Variants in PSPC1 observed in about 807,000 individuals in gnomAD.
PSPC1 encodes paraspeckle component 1.
In PSPC1, 14 loss-of-function variants were observed where a neutral mutation model predicts 51.6. The ratio of observed to expected loss-of-function variants is 0.27; its 90% CI spans 0.18 to 0.42. The LOEUF is 0.42. Among genes scored for constraint, PSPC1 ranks in the 10% least tolerant of loss-of-function variants. The pLI, the probability that PSPC1 is intolerant of heterozygous loss-of-function variation, is 1.00. For missense variants in PSPC1, 406 were observed against 701.1 expected (o/e 0.58, Z 4.75); for synonymous variants, 193 against 231.9 (o/e 0.83, Z 1.53).
chr13:19,752,671 C>T (rs1886681252), intron 3 of PSPC1, among the ~76,000 whole-genome samples: 1 of 151,908 alleles, frequency 6.6e-6, no homozygotes, highest in African/African-American at 2.4e-5. Context: ...CTGCAACCTT[C>T]GCCTCCCGGG....
At chr13:19,732,411 A>T (rs1884227078) in intron 5 of PSPC1, among the ~76,000 whole-genome samples, 1 of 152,212 alleles carries the variant, frequency 6.6e-6, no homozygotes, top group Non-Finnish European at 1.5e-5. Flanking sequence ...ATATACTCAT[A>T]ATATACCAAT....
At chr13:19,739,469 C>T (rs548713187) in intron 5 of PSPC1, among the ~76,000 whole-genome samples, 8 of 152,038 alleles carry the variant, frequency 5.3e-5, no homozygotes, top group African/African-American at 1.7e-4. Flanking sequence ...AAGATCTGGC[C>T]GGGCGTGGTG....
intron 7 of PSPC1, chr13:19,675,360 C>T (rs536546392): frequency 6.6e-6 from 1 of 152,164 alleles, no homozygotes; most frequent in African/African-American, 2.4e-5. Context: ...CTTCCCAACA[C>T]GAACCAGCAA....
At chr13:19,771,375 C>G (rs976386233) in intron 2 of PSPC1, among the ~76,000 whole-genome samples, 2 of 152,064 alleles carry the variant, frequency 1.3e-5, no homozygotes, top group Admixed American at 6.6e-5. Flanking sequence ...TGAGCTCAGG[C>G]AATCCACCCG....
In PSPC1 at chr13:19,751,410, T is replaced by C. The variant is rs1469802712; in HGVS notation, c.828A>G (p.Ala276=). Residue 276 remains alanine, a synonymous_variant, in exon 4 of 9, where the codon GCA becomes GCG. Coordinates refer to ENST00000338910, the MANE Select transcript of PSPC1 (RefSeq NM_001354909.2). ...TTTCATCAAGAGCCTTCCATCGAGATGCATACTCAAATTCAAATGTCCCAG... is the reference window on the plus strand; with the variant it reads ...TTTCATCAAGAGCCTTCCATCGAGACGCATACTCAAATTCAAATGTCCCAG... ...AQPGTFEFEY[A]SRWKALDEME... is the part of the protein sequence containing the mutation. The C allele has an allele frequency of 1.9e-6, 3 of 1,587,384 alleles. No homozygotes were observed. Among genetic ancestry groups the C allele is most frequent in the East Asian group, 4.6e-5 (2 of 43,916 alleles).
chr13:19,777,665 T>A (rs578081068), intron 1 of PSPC1, among the ~76,000 whole-genome samples: 4 of 151,876 alleles, frequency 2.6e-5, no homozygotes, highest in African/African-American at 9.6e-5. Context: ...AAATACAGTC[T>A]CACCAGGCAC....
At chr13:19,749,122 G>A (rs1302177291) in intron 4 of PSPC1, among the ~76,000 whole-genome samples, 9 of 151,978 alleles carry the variant, frequency 5.9e-5, no homozygotes, top group Non-Finnish European at 1.3e-4. Flanking sequence ...CGAGGCGGGC[G>A]GATCACCTGA....
rs1458823846 is a variant in PSPC1, at chr13:19,775,380, T to A, written c.373-2837A>T. Among the ~76,000 whole-genome samples the A allele has an allele frequency of 3.4e-5, 5 of 148,930 alleles. No homozygotes were observed. In the South Asian group the frequency reaches 6.4e-4, roughly 19 times the overall value. On this transcript the variant is annotated intron_variant, in intron 1 of 8. Transcript: ENST00000338910. ...AAAATAAATAGACAAAAAAAAAAAA[T>A]AAACCAAATAATACAGCATAACAGC... is the stretch of plus-strand genomic sequence containing the variant.
chr13:19,735,965 C>T (rs1271530033), intron 5 of PSPC1, among the ~76,000 whole-genome samples: 4 of 152,130 alleles, frequency 2.6e-5, no homozygotes, highest in Admixed American at 1.3e-4. Context: ...GGACTACAGG[C>T]GCCCGCCACC....
intron 5 of PSPC1, among the ~76,000 whole-genome samples, chr13:19,740,220 G>T (rs965410835): frequency 6.6e-6 from 1 of 152,062 alleles, no homozygotes; most frequent in African/African-American, 2.4e-5. Flanking sequence ...GCACATGCCT[G>T]TAATCCCAGC....
intron 5 of PSPC1, among the ~76,000 whole-genome samples, chr13:19,735,745 C>T (rs1884694860): frequency 6.6e-6 from 1 of 152,112 alleles, no homozygotes; most frequent in Non-Finnish European, 1.5e-5. Context: ...TCTTCATTTG[C>T]TCCATCTTGC....
intron 2 of PSPC1, among the ~76,000 whole-genome samples, chr13:19,766,148 G>A (rs182335720): frequency 2.2e-3 from 328 of 152,190 alleles, no homozygotes; most frequent in Middle Eastern, 0.02. Flanking sequence ...TGAGGCAGGC[G>A]GATGACTTAT....
intron 6 of PSPC1, among the ~76,000 whole-genome samples, chr13:19,683,869 C>T (rs9508843): frequency 8.5e-5 from 13 of 152,114 alleles, no homozygotes; most frequent in African/African-American, 2.7e-4. Context: ...TATATGGTAA[C>T]GTTTCCTGTA....
chr13:19,717,650 G>A (rs1882263458), intron 6 of PSPC1, among the ~76,000 whole-genome samples: 1 of 144,710 alleles, frequency 6.9e-6, no homozygotes, highest in African/African-American at 2.6e-5. Flanking sequence ...AGGCTGCAAT[G>A]AGCCATGATA....
intron 6 of PSPC1, among the ~76,000 whole-genome samples, chr13:19,694,455 T>C (rs1878971724): frequency 1.3e-5 from 2 of 152,186 alleles, no homozygotes; most frequent in African/African-American, 4.8e-5. Flanking sequence ...GAACCCAATG[T>C]AGTCAAAATA....
chr13:19,735,273 C>T (rs992124689), intron 5 of PSPC1, among the ~76,000 whole-genome samples: 13 of 151,516 alleles, frequency 8.6e-5, no homozygotes, highest in East Asian at 2.0e-4. Context: ...ATCGCGCCAC[C>T]GCACTCCAGC....
chr13:19,756,341 G>C (rs1449320219), intron 3 of PSPC1, among the ~76,000 whole-genome samples: 1 of 152,054 alleles, frequency 6.6e-6, no homozygotes, highest in East Asian at 1.9e-4. Context: ...TCCTTGCTTT[G>C]AGCATTTTGT....
downstream of PSPC1, among the ~76,000 whole-genome samples, chr13:19,700,662 A>C (rs577743608): frequency 1.3e-5 from 2 of 152,252 alleles, no homozygotes; most frequent in South Asian, 2.1e-4. Context: ...CACTAATTAC[A>C]AGTAGCACAT....
downstream of PSPC1, among the ~76,000 whole-genome samples, chr13:19,674,031 C>T (rs1028030315): frequency 1.3e-5 from 2 of 152,172 alleles, no homozygotes; most frequent in Non-Finnish European, 2.9e-5. Context: ...TGATTCAGTT[C>T]GTGGCCTAGG....
Sources: allele counts gnomAD v4.1 joint callset (sites outside exome capture counted in the v4.1 genomes callset), GRCh38; gene constraint gnomAD v4.1.1; transcripts MANE v1.5; gene names NCBI Gene and HGNC (gene_info 2026-07-23, HGNC 2026-07-21).